PCDHA11: variants seen among roughly 807,000 people sequenced by gnomAD.
The protein encoded by PCDHA11 is protocadherin alpha-11.
A neutral mutation model predicts 70.3 loss-of-function variants in PCDHA11; 61 were observed. The observed-to-expected ratio is 0.87, with a 90% CI of 0.71 to 1.07. The LOEUF is 1.07. Among genes scored for constraint, PCDHA11 ranks in the 50% least tolerant of loss-of-function variants. PCDHA11 has a pLI of 0.00. For synonymous variants in PCDHA11, 633 were observed against 555.1 expected (o/e 1.14, Z -1.97); for missense variants, 1,324 against 1,237.5 (o/e 1.07, Z -1.05).
rs1554169929 is a variant in PCDHA11 at position 140,877,625 on chromosome 5, A to G, written c.2391+6131A>G. On this transcript the variant is annotated intron_variant, in intron 1 of 3. Coordinates refer to ENST00000398640, the MANE Select transcript of PCDHA11 (RefSeq NM_018902.5). ...CTGCTGGTGCTCACGCTGCTGCTGT[A>G]CACTGCGCTGCGTTGCTCAGCGCCG... 6.2e-7 allele frequency: 1 copy of G among 1,613,774 alleles called. No individual in the cohort carries two copies. Among genetic ancestry groups the G allele is most frequent in the Non-Finnish European group, 8.5e-7 (1 of 1,179,852 alleles).
chr5:140,995,685 T>C (rs951521178), intron 3 of PCDHA11, among the ~76,000 whole-genome samples: 8 of 152,186 alleles, frequency 5.3e-5, no homozygotes, highest in African/African-American at 1.9e-4. Flanking sequence ...TTTTTTTTAA[T>C]TGTTAAATAA....
chr5:140,894,572 T>C (rs2064553478), intron 1 of PCDHA11, among the ~76,000 whole-genome samples: 2 of 152,010 alleles, frequency 1.3e-5, no homozygotes, highest in Admixed American at 6.5e-5. Flanking sequence ...TATTTTCCTT[T>C]TTTTTAATAT....
intron 3 of PCDHA11, among the ~76,000 whole-genome samples, chr5:140,983,431 G>T (rs947907651): frequency 5.3e-5 from 8 of 152,198 alleles, no homozygotes; most frequent in African/African-American, 1.9e-4. Flanking sequence ...ACCACAAATT[G>T]TGTCTACTCT....
intron 1 of PCDHA11, chr5:140,884,110 G>A: frequency 6.2e-7 from 1 of 1,613,438 alleles, no homozygotes; most frequent in Non-Finnish European, 8.5e-7. Flanking sequence ...TGCAGCTGGC[G>A]GCGGTCGGCG....
At chr5:140,890,886 A>G (rs1332125590) in intron 1 of PCDHA11, among the ~76,000 whole-genome samples, 3 of 151,952 alleles carry the variant, frequency 2.0e-5, no homozygotes, top group Admixed American at 1.3e-4. Flanking sequence ...TTCATCAGGG[A>G]TTATTGTCTT....
intron 1 of PCDHA11, among the ~76,000 whole-genome samples, chr5:140,887,231 A>G (rs570148204): frequency 7.0e-4 from 106 of 151,572 alleles, no homozygotes; most frequent in Admixed American, 1.4e-3. Context: ...CGAGTAGCTG[A>G]GACTACCGGC....
chr5:140,930,231 A>G (rs1234850185), intron 1 of PCDHA11: 3 of 152,238 alleles, frequency 2.0e-5, no homozygotes, highest in Non-Finnish European at 4.4e-5. Context: ...TGCACTTACC[A>G]TCCAAAGTCC....
At chr5:140,889,027 C>A (rs1004891593) in intron 1 of PCDHA11, among the ~76,000 whole-genome samples, 5 of 151,910 alleles carry the variant, frequency 3.3e-5, no homozygotes, top group African/African-American at 1.2e-4. Context: ...CCTTGGATAA[C>A]CGTAATTTGA....
intron 1 of PCDHA11, among the ~76,000 whole-genome samples, chr5:140,906,332 T>C (rs2072570393): frequency 6.6e-6 from 1 of 152,186 alleles, no homozygotes; most frequent in Non-Finnish European, 1.5e-5. Context: ...CAACTATCCT[T>C]CATACAACCA....
chr5:140,897,739 T>A (rs2066296532), intron 1 of PCDHA11, among the ~76,000 whole-genome samples: 1 of 152,176 alleles, frequency 6.6e-6, no homozygotes, highest in Admixed American at 6.5e-5. Flanking sequence ...GTATTTCTAG[T>A]TCTAGATCCC....
chr5:140,937,599 A>T (rs2091614434), intron 1 of PCDHA11, among the ~76,000 whole-genome samples: 3 of 151,728 alleles, frequency 2.0e-5, no homozygotes, highest in African/African-American at 7.3e-5. Context: ...CCTGGGCAAC[A>T]GAGTGATACT....
At chr5:141,006,033 G>A (rs1162099125) in intron 3 of PCDHA11, among the ~76,000 whole-genome samples, 1 of 151,252 alleles carries the variant, frequency 6.6e-6, no homozygotes, top group Non-Finnish European at 1.5e-5. Context: ...TAGTAAGAGG[G>A]AGATTTGTAG....
At chr5:140,982,824 G>GGTTT (rs74513655) in intron 3 of PCDHA11, among the ~76,000 whole-genome samples, 1 of 151,942 alleles carries the variant, frequency 6.6e-6, no homozygotes, top group African/African-American at 2.4e-5. Context: ...AAGTTTTTGG[G>GGTTT]GTTTGTTTGT....
chr5:140,931,147 A>G (rs1469532498), intron 1 of PCDHA11, among the ~76,000 whole-genome samples: 1 of 152,206 alleles, frequency 6.6e-6, no homozygotes, highest in Non-Finnish European at 1.5e-5. Context: ...AGTGGATACT[A>G]TTTAATAGAA....
At chr5:140,954,361 C>T (rs782543125) in intron 1 of PCDHA11, among the ~76,000 whole-genome samples, 18 of 152,220 alleles carry the variant, frequency 1.2e-4, no homozygotes, top group Non-Finnish European at 2.2e-4. Context: ...AATCGCCACA[C>T]AGTCTCCCAC....
chr5:140,869,998 G>A lies in PCDHA11; in HGVS notation c.895G>A (p.Gly299Arg), dbSNP rs782322898. The A allele has an allele frequency of 6.2e-7, 1 of 1,613,436 alleles. No individual in the cohort carries two copies. The change falls in exon 1 of 4, where the codon GGA (glycine) becomes AGA (arginine). Residue 299 changes from glycine (G) to arginine (R), a missense_variant. By Grantham distance (125) the Gly-to-Arg change is moderately radical. Coordinates refer to ENST00000398640, the MANE Select transcript of PCDHA11 (RefSeq NM_018902.5). The part of the protein sequence containing the change: ...RHLFTLDQNN[G>R]EVRVNGTLDY... ...CTTATTTACACTAGATCAAAATAAT[G>A]GAGAAGTGAGGGTCAATGGAACTTT...
chr5:141,006,636 A>G (rs1322633928), intron 3 of PCDHA11, among the ~76,000 whole-genome samples: 3 of 152,210 alleles, frequency 2.0e-5, no homozygotes, highest in African/African-American at 7.2e-5. Context: ...TGCAATTCAT[A>G]TAAGAGATGA....
At position 140,883,814 on chromosome 5, in the gene PCDHA11, A is replaced by C. The variant is rs782678422; in HGVS notation, c.2391+12320A>C. 6.2e-7 allele frequency: 1 copy of C among 1,612,478 alleles called. No homozygotes were observed. ...CGTGTCGGTGCACGCGGAGAGCGGC[A>C]AGGTGTACGCGCTGCAGCCGTTGGA... On this transcript the variant is annotated intron_variant, in intron 1 of 3. Coordinates refer to ENST00000398640, the MANE Select transcript of PCDHA11 (RefSeq NM_018902.5).
intron 1 of PCDHA11, chr5:140,875,466 T>A (rs782683106): frequency 2.4e-5 from 39 of 1,599,908 alleles, no homozygotes; most frequent in Admixed American, 1.2e-4. Flanking sequence ...GGCCCTCATT[T>A]TCTGCAATGG....
Sources: allele counts gnomAD v4.1 joint callset (sites outside exome capture counted in the v4.1 genomes callset), GRCh38; gene constraint gnomAD v4.1.1; transcripts MANE v1.5; gene names NCBI Gene and HGNC (gene_info 2026-07-23, HGNC 2026-07-21).